Variants in CCDC181 observed in about 807,000 individuals in gnomAD.
The protein encoded by CCDC181 is coiled-coil domain-containing protein 181.
Under a neutral mutation model 58.7 loss-of-function variants are expected in CCDC181, and 35 were observed. The ratio of observed to expected loss-of-function variants is 0.60; its 90% CI spans 0.46 to 0.79. The LOEUF is 0.79. CCDC181 is among the 30% of genes least tolerant of loss of function. The pLI, the probability that CCDC181 is intolerant of heterozygous loss-of-function variation, is 0.00. For synonymous variants in CCDC181, 183 were observed against 197.5 expected (o/e 0.93, Z 0.62); for missense variants, 517 against 583.9 (o/e 0.89, Z 1.18).
chr1:169,406,460 T>C (rs1226076152), intron 4 of CCDC181, among the ~76,000 whole-genome samples: 1 of 152,186 alleles, frequency 6.6e-6, no homozygotes, highest in East Asian at 1.9e-4. Flanking sequence ...TGGAATACTA[T>C]GCAGCCATAA....
At chr1:169,421,191 CTG>C (rs1206700289) in intron 3 of CCDC181, among the ~76,000 whole-genome samples, 170 bp downstream of exon 3, 1 of 152,190 alleles carries the variant, frequency 6.6e-6, no homozygotes, top group Non-Finnish European at 1.5e-5. Context: ...AAAGTAATCA[CTG>C]TGTTCATTCC....
At chr1:169,436,612 G>A (rs961404) in intron 2 of CCDC181, among the ~76,000 whole-genome samples, 81,530 of 151,980 alleles carry the variant, frequency 0.54, 22,725 homozygotes, top group Non-Finnish European at 0.6. Context: ...CTCTTCTAAC[G>A]GCAAGCAGAG....
At chr1:169,438,849 A>T (rs1657127483) in intron 2 of CCDC181, among the ~76,000 whole-genome samples, 2 of 152,182 alleles carry the variant, frequency 1.3e-5, no homozygotes, top group Non-Finnish European at 2.9e-5. Context: ...ATTTCTTCAG[A>T]GGTCCCCTTC....
intron 2 of CCDC181, among the ~76,000 whole-genome samples, chr1:169,440,625 T>C (rs949443066): frequency 1.3e-5 from 2 of 152,038 alleles, no homozygotes; most frequent in African/African-American, 4.8e-5. Flanking sequence ...GCTCAAAACA[T>C]GCAAGATGGG....
chr1:169,456,952 G>A (rs913919315), intron 2 of CCDC181, among the ~76,000 whole-genome samples: 1 of 152,044 alleles, frequency 6.6e-6, no homozygotes, highest in African/African-American at 2.4e-5. Flanking sequence ...TCCATTGCTG[G>A]CATGGACTTT....
At chr1:169,399,244 G>A (rs1406911980) in intron 4 of CCDC181, among the ~76,000 whole-genome samples, 2 of 152,086 alleles carry the variant, frequency 1.3e-5, no homozygotes, top group Non-Finnish European at 2.9e-5. Flanking sequence ...AAGGGGGCTG[G>A]GTTATTAGGC....
intron 2 of CCDC181, among the ~76,000 whole-genome samples, chr1:169,440,617 T>A (rs955962054): frequency 2.0e-4 from 30 of 152,028 alleles, no homozygotes; most frequent in Non-Finnish European, 3.5e-4. Flanking sequence ...AATTGCTGGC[T>A]CAAAACATGC....
chr1:169,431,852 A>G (rs1656928246), upstream of CCDC181, among the ~76,000 whole-genome samples: 1 of 152,152 alleles, frequency 6.6e-6, no homozygotes, highest in South Asian at 2.1e-4. Flanking sequence ...GGTAGCCGCC[A>G]TTGTTGTTGC....
At chr1:169,408,579 T>C (rs1470954527) in intron 4 of CCDC181, among the ~76,000 whole-genome samples, 1 of 152,140 alleles carries the variant, frequency 6.6e-6, no homozygotes, top group Non-Finnish European at 1.5e-5. Context: ...AGTGGGTCCC[T>C]AACCCCCGCG....
intron 4 of CCDC181, among the ~76,000 whole-genome samples, chr1:169,414,871 G>A (rs1325513102): frequency 1.3e-5 from 2 of 152,108 alleles, no homozygotes; most frequent in Non-Finnish European, 2.9e-5. Context: ...ATTTCAGCTT[G>A]AGTAGAGACA....
chr1:169,400,368 C>T (rs190118854), intron 4 of CCDC181, among the ~76,000 whole-genome samples: 1 of 152,124 alleles, frequency 6.6e-6, no homozygotes, highest in Admixed American at 6.5e-5. Context: ...AAATTCAATA[C>T]CCTTTAAAGG....
intron 4 of CCDC181, among the ~76,000 whole-genome samples, chr1:169,405,016 C>T (rs1348130115): frequency 6.6e-6 from 1 of 152,098 alleles, no homozygotes; most frequent in Non-Finnish European, 1.5e-5. Flanking sequence ...ACACCAATAA[C>T]AGACAAACAG....
At chr1:169,446,563 C>T (rs1657383813) in intron 2 of CCDC181, among the ~76,000 whole-genome samples, 2 of 152,180 alleles carry the variant, frequency 1.3e-5, no homozygotes, top group African/African-American at 4.8e-5. Flanking sequence ...TCCATATACC[C>T]ATGGGTTCTG....
At chr1:169,419,656 A>T (rs1656375913) in intron 3 of CCDC181, among the ~76,000 whole-genome samples, 1 of 152,212 alleles carries the variant, frequency 6.6e-6, no homozygotes, top group South Asian at 2.1e-4. Flanking sequence ...GGAAATATAA[A>T]TGAATTTATT....
At chr1:169,423,661 G>C (rs1656592515) in intron 2 of CCDC181, among the ~76,000 whole-genome samples, 1 of 151,876 alleles carries the variant, frequency 6.6e-6, no homozygotes, top group Admixed American at 6.6e-5. Context: ...ATTAATACTT[G>C]TTGAATTAGA....
intron 4 of CCDC181, 29 bp downstream of exon 4, chr1:169,418,984 A>G (rs762715793): frequency 6.4e-7 from 1 of 1,560,122 alleles, no homozygotes; most frequent in South Asian, 1.1e-5. Flanking sequence ...TATCTGTATG[A>G]ACTTATTTTT....
At chr1:169,441,779 G>A (rs927358121) in intron 2 of CCDC181, among the ~76,000 whole-genome samples, 2 of 151,568 alleles carry the variant, frequency 1.3e-5, no homozygotes, top group African/African-American at 4.8e-5. Flanking sequence ...ATTGAAAAAT[G>A]TATTTAGAAT....
chr1:169,455,089 C>T (rs1217781016), intron 2 of CCDC181, among the ~76,000 whole-genome samples: 2 of 151,812 alleles, frequency 1.3e-5, no homozygotes, highest in Non-Finnish European at 2.9e-5. Context: ...ATTCATTTTC[C>T]TGTCTATTGA....
intron 4 of CCDC181, among the ~76,000 whole-genome samples, chr1:169,407,728 C>T (rs1655741282): frequency 6.6e-6 from 1 of 152,194 alleles, no homozygotes; most frequent in South Asian, 2.1e-4. Context: ...AACTGAGGCA[C>T]TCGGCTCATC....
Sources: allele counts gnomAD v4.1 joint callset (sites outside exome capture counted in the v4.1 genomes callset), GRCh38; gene constraint gnomAD v4.1.1; transcripts MANE v1.5; gene names NCBI Gene and HGNC (gene_info 2026-07-23, HGNC 2026-07-21).